DCC: variants seen among roughly 807,000 people sequenced by gnomAD.
DCC encodes the protein netrin receptor DCC.
A neutral mutation model predicts 172.5 loss-of-function variants in DCC; 58 were observed. The ratio of observed to expected loss-of-function variants is 0.34; its 90% confidence interval spans 0.27 to 0.42. The LOEUF (loss-of-function observed/expected upper bound fraction) is 0.42. DCC is among the 10% of genes least tolerant of loss of function. DCC has a pLI of 1.00. For missense variants in DCC, 1,740 were observed against 1,791.0 expected, an observed-to-expected ratio of 0.97 and a Z score of 0.51; for synonymous variants, 709 against 644.5, an observed-to-expected ratio of 1.10 and a Z score of -1.52.
intron 5 of DCC, among the ~76,000 whole-genome samples, chr18:53,058,776 T>C (rs1353982846): frequency 6.6e-6 from 1 of 152,130 alleles, no homozygotes; most frequent in Non-Finnish European, 1.5e-5. Context: ...ATAAAGCACA[T>C]GCACAAATAA....
intron 2 of DCC, among the ~76,000 whole-genome samples, chr18:52,859,621 G>A (rs2039107536): frequency 6.6e-6 from 1 of 152,142 alleles, no homozygotes; most frequent in Admixed American, 6.5e-5. Context: ...AAAGGTATCA[G>A]ATATTCAGTT....
At chr18:52,655,596 A>C (rs2035228994) in intron 1 of DCC, among the ~76,000 whole-genome samples, 1 of 152,094 alleles carries the variant, frequency 6.6e-6, no homozygotes, top group Non-Finnish European at 1.5e-5. Flanking sequence ...GCCCATTTTT[A>C]TTTAATGTGG....
chr18:53,444,872 T>C (rs1022213590), intron 22 of DCC, among the ~76,000 whole-genome samples: 2 of 152,164 alleles, frequency 1.3e-5, no homozygotes, highest in Non-Finnish European at 1.5e-5. Flanking sequence ...TACCTTTTTT[T>C]AGTAAATTGC....
At chr18:53,110,597 C>T (rs1183316660) in intron 7 of DCC, among the ~76,000 whole-genome samples, 1 of 151,422 alleles carries the variant, frequency 6.6e-6, no homozygotes, top group Non-Finnish European at 1.5e-5. Context: ...AGGACATGAA[C>T]AGACACTTCT....
chr18:52,461,849 A>G (rs1288837815), intron 1 of DCC, among the ~76,000 whole-genome samples: 1 of 152,096 alleles, frequency 6.6e-6, no homozygotes, highest in African/African-American at 2.4e-5. Flanking sequence ...CCCCGAAACT[A>G]CAGTCATTTT....
intron 7 of DCC, among the ~76,000 whole-genome samples, chr18:53,141,158 C>A (rs1233273693): frequency 1.3e-5 from 2 of 152,128 alleles, no homozygotes. Flanking sequence ...ATAACTAGAG[C>A]TTTCTTCATG....
chr18:52,365,457 T>C (rs967874915), intron 1 of DCC, among the ~76,000 whole-genome samples: 2 of 152,216 alleles, frequency 1.3e-5, no homozygotes, highest in Non-Finnish European at 2.9e-5. Context: ...GAAAAAAGAA[T>C]TCCCTTTTTC....
intron 7 of DCC, among the ~76,000 whole-genome samples, chr18:53,079,130 A>C (rs1043633861): frequency 6.6e-5 from 10 of 152,286 alleles, no homozygotes; most frequent in African/African-American, 2.4e-4. Flanking sequence ...AAAAGGGAAT[A>C]AAAGTACTAT....
At chr18:53,189,690 C>G (rs1457047667) in intron 9 of DCC, among the ~76,000 whole-genome samples, 2 of 152,128 alleles carry the variant, frequency 1.3e-5, no homozygotes, top group Non-Finnish European at 2.9e-5. Flanking sequence ...TCTAACCCTG[C>G]CTTGTAAGTT....
At chr18:53,214,511 C>T (rs1406635897) in intron 11 of DCC, among the ~76,000 whole-genome samples, 1 of 152,026 alleles carries the variant, frequency 6.6e-6, no homozygotes, top group Admixed American at 6.6e-5. Context: ...TATAGAAAAA[C>T]ATAGATTTTT....
At chr18:53,030,196 C>T (rs2042009104) in intron 5 of DCC, among the ~76,000 whole-genome samples, 1 of 152,120 alleles carries the variant, frequency 6.6e-6, no homozygotes, top group South Asian at 2.1e-4. Flanking sequence ...AATTATTATC[C>T]CCCCATTCCA....
At chr18:52,736,409 T>C (rs552384719) in intron 1 of DCC, among the ~76,000 whole-genome samples, 2 of 152,138 alleles carry the variant, frequency 1.3e-5, no homozygotes, top group East Asian at 3.9e-4. Flanking sequence ...CACTAGACCA[T>C]CTTTGTGCAA....
chr18:52,376,483 A>T (rs867056415), intron 1 of DCC, among the ~76,000 whole-genome samples: 1 of 149,972 alleles, frequency 6.7e-6, no homozygotes, highest in African/African-American at 2.4e-5. Context: ...GTATATTTCT[A>T]TGTGTGTGTG....
chr18:52,536,308 G>A (rs2032287860), intron 1 of DCC, among the ~76,000 whole-genome samples: 1 of 152,088 alleles, frequency 6.6e-6, no homozygotes, highest in African/African-American at 2.4e-5. Context: ...CACAGACATG[G>A]AGAAAAGACA....
chr18:53,427,143 A>C (rs1490554841), intron 21 of DCC, among the ~76,000 whole-genome samples: 20 of 152,134 alleles, frequency 1.3e-4, no homozygotes, highest in Admixed American at 1.3e-3. Context: ...CTCATTCTTT[A>C]TGTTGTAGCC....
intron 1 of DCC, among the ~76,000 whole-genome samples, chr18:52,480,222 C>T (rs2029900201): frequency 6.6e-6 from 1 of 151,962 alleles, no homozygotes; most frequent in Non-Finnish European, 1.5e-5. Flanking sequence ...AAAAAACAAA[C>T]AAACTGCTAA....
intron 1 of DCC, among the ~76,000 whole-genome samples, chr18:52,341,950 G>T (rs1423071213): frequency 6.6e-6 from 1 of 152,158 alleles, no homozygotes; most frequent in Non-Finnish European, 1.5e-5. Context: ...GAGACCGGGC[G>T]TTGAGTAGGA....
intron 1 of DCC, among the ~76,000 whole-genome samples, chr18:52,398,799 GGAGTGCCCATTTATTT>G (rs1328364771): frequency 6.6e-6 from 1 of 151,874 alleles, no homozygotes; most frequent in Non-Finnish European, 1.5e-5. Context: ...ACATAGTCAT[GGAGTGCCCATTTATTT>G]TCTTCATATG....
chr18:52,860,400 T>C (rs1342517637), intron 2 of DCC, among the ~76,000 whole-genome samples: 2 of 152,056 alleles, frequency 1.3e-5, no homozygotes, highest in East Asian at 3.9e-4. Context: ...GGCAGAAAAA[T>C]GGGAGAAAAA....
Sources: gnomAD v4.1 joint callset for allele counts (sites outside exome capture counted in the v4.1 genomes callset) on GRCh38, gnomAD v4.1.1 for gene constraint, MANE v1.5 for transcripts, NCBI Gene and HGNC (gene_info 2026-07-23, HGNC 2026-07-21) for gene names.